LNX1: variants seen among roughly 807,000 people sequenced by gnomAD.
LNX1 encodes the protein E3 ubiquitin-protein ligase LNX.
Under a neutral mutation model 68.4 loss-of-function variants are expected in LNX1, and 54 were observed. That is an observed-to-expected ratio of 0.79 (90% confidence interval 0.63 to 0.99). The LOEUF (loss-of-function observed/expected upper bound fraction) is 0.99. LNX1 is among the 50% of genes least tolerant of loss of function. The pLI is 0.00. For synonymous variants in LNX1, 336 were observed against 350.0 expected (o/e 0.96, Z 0.45); for missense variants, 906 against 926.4 (o/e 0.98, Z 0.29).
chr4:53,629,559 A>C (rs1197577145), intron 1 of LNX1, among the ~76,000 whole-genome samples: 4 of 152,198 alleles, frequency 2.6e-5, no homozygotes, highest in Non-Finnish European at 5.9e-5. Flanking sequence ...CTGCACCACA[A>C]ACTGCAGCCC....
chr4:53,557,751 G>T, intron 2 of LNX1: 1 of 1,166,528 alleles, frequency 8.6e-7, no homozygotes, highest in Non-Finnish European at 1.2e-6. Flanking sequence ...AGGGTGCTTT[G>T]TCCAAGTGCA....
At chr4:53,619,782 T>G (rs191892327), upstream of LNX1, among the ~76,000 whole-genome samples, 7 of 152,350 alleles carry the variant, frequency 4.6e-5, no homozygotes, top group Admixed American at 4.6e-4. Context: ...TTCGATGAAC[T>G]GTCAAACTGT....
chr4:53,522,788 C>A (rs1209684296), intron 2 of LNX1, among the ~76,000 whole-genome samples: 2 of 152,060 alleles, frequency 1.3e-5, no homozygotes, highest in African/African-American at 2.4e-5. Context: ...CAGAGCAGGG[C>A]CCTGTCTCAA....
chr4:53,482,394 T>C (rs1298959923), intron 6 of LNX1, among the ~76,000 whole-genome samples: 1 of 152,210 alleles, frequency 6.6e-6, no homozygotes, highest in African/African-American at 2.4e-5. Context: ...TACATTAATA[T>C]GTACAACCTA....
chr4:53,562,008 C>G (rs1347149132), intron 2 of LNX1, among the ~76,000 whole-genome samples: 1 of 152,198 alleles, frequency 6.6e-6, no homozygotes, highest in Non-Finnish European at 1.5e-5. Flanking sequence ...TTCAACTTCT[C>G]TCTTTTACCT....
At chr4:53,608,214 TG>T (rs1248296583) in intron 2 of LNX1, among the ~76,000 whole-genome samples, 1 of 152,170 alleles carries the variant, frequency 6.6e-6, no homozygotes. Flanking sequence ...TTGTAAACTG[TG>T]CATCCTACAA....
intron 1 of LNX1, among the ~76,000 whole-genome samples, chr4:53,586,335 G>C (rs1335652577): frequency 6.6e-6 from 1 of 152,204 alleles, no homozygotes; most frequent in East Asian, 1.9e-4. Context: ...TCATAAGCAA[G>C]TTATGCAAAT....
intron 1 of LNX1, among the ~76,000 whole-genome samples, chr4:53,574,354 AT>A (rs1489495697): frequency 1.3e-5 from 2 of 152,224 alleles, no homozygotes; most frequent in Non-Finnish European, 2.9e-5. Flanking sequence ...TTTGGGTAAT[AT>A]CTGGGAAATG....
At chr4:53,533,930 A>C (rs578003263) in intron 2 of LNX1, among the ~76,000 whole-genome samples, 1 of 152,344 alleles carries the variant, frequency 6.6e-6, no homozygotes, top group East Asian at 1.9e-4. Context: ...CTAAGGTTTG[A>C]GAACTTCTGC....
At position 53,624,880 on chromosome 4, in the gene LNX1, A is replaced by AT. The variant is rs773397722; in HGVS notation, c.-215+27287dup. ...GAATGTATTTATTTAAGATTCCAGA[A>AT]TTTTTTTACATGTAAGCATCCTCAT... On this transcript the variant is annotated intron_variant, in intron 1 of 2. Coordinates refer to the LNX1 transcript ENST00000507168. Among the ~76,000 whole-genome samples the AT allele has an allele frequency of 5.9e-5, 9 of 152,316 alleles. No individual in the cohort carries two copies. The East Asian group carries it at 7.7e-4, about 13-fold the overall frequency.
At chr4:53,481,494 G>A (rs997332418) in intron 7 of LNX1, among the ~76,000 whole-genome samples, 1 of 152,198 alleles carries the variant, frequency 6.6e-6, no homozygotes, top group Non-Finnish European at 1.5e-5. Flanking sequence ...AGGTCTGCAT[G>A]ATCAGGTTTC....
At chr4:53,532,860 C>A (rs1388429058) in intron 2 of LNX1, among the ~76,000 whole-genome samples, 1 of 152,154 alleles carries the variant, frequency 6.6e-6, no homozygotes, top group Non-Finnish European at 1.5e-5. Context: ...AGGAACACTG[C>A]AGGCTGCCCA....
intron 2 of LNX1, among the ~76,000 whole-genome samples, chr4:53,520,096 C>G (rs894059124): frequency 5.9e-5 from 9 of 152,166 alleles, no homozygotes; most frequent in African/African-American, 1.9e-4. Context: ...TTTGGAGGAG[C>G]TTTGTGGTTT....
chr4:53,495,367 A>C (rs1244053565), intron 6 of LNX1, among the ~76,000 whole-genome samples: 1 of 152,202 alleles, frequency 6.6e-6, no homozygotes, highest in Non-Finnish European at 1.5e-5. Context: ...AAAGTGGATT[A>C]GTTTGAACAG....
rs112154837 is a variant in LNX1 at position 53,464,325 on chromosome 4, C to G, written c.1893-2732G>C. Among the ~76,000 whole-genome samples the G allele has an allele frequency of 6.6e-3, 1,011 of 152,162 alleles. 12 individuals are homozygous for G. The highest frequency in any genetic ancestry group is 0.023 in the African/African-American group (974 of 41,544). The stretch of plus-strand genomic sequence containing the variant: ...TCCCTCTTCTGGATCAGGTACCTCT[C>G]AGTCTGTGGTGAAGGGACCACCTTT... On this transcript the variant is annotated intron_variant, in intron 9 of 10. Coordinates refer to ENST00000263925, the MANE Select transcript of LNX1 (RefSeq NM_001126328.3).
At chr4:53,534,954 T>C (rs182009279) in intron 2 of LNX1, among the ~76,000 whole-genome samples, 77 of 152,322 alleles carry the variant, frequency 5.1e-4, no homozygotes, top group African/African-American at 1.8e-3. Flanking sequence ...AAAGAAATGA[T>C]TGCTCATGGG....
At chr4:53,513,972 C>T (rs368578125) in intron 2 of LNX1, among the ~76,000 whole-genome samples, 2 of 152,214 alleles carry the variant, frequency 1.3e-5, no homozygotes, top group African/African-American at 4.8e-5. Flanking sequence ...CAAACTTGCC[C>T]ACCATGTTCC....
At chr4:53,461,851 G>A (rs1722151622) in intron 9 of LNX1, among the ~76,000 whole-genome samples, 1 of 151,952 alleles carries the variant, frequency 6.6e-6, no homozygotes, top group African/African-American at 2.4e-5. Context: ...ACATCTACTG[G>A]GAATGATAAT....
intron 4 of LNX1, among the ~76,000 whole-genome samples, chr4:53,501,299 T>TTTTTGGGGGG (rs56165716): frequency 2.6e-5 from 1 of 38,790 alleles, no homozygotes; most frequent in Non-Finnish European, 7.0e-5. Context: ...TTTTTTTTTT[T>TTTTTGGGGGG]GGGGGTGGGG....
Sources: gnomAD v4.1 joint callset for allele counts (sites outside exome capture counted in the v4.1 genomes callset) on GRCh38, gnomAD v4.1.1 for gene constraint, MANE v1.5 for transcripts, NCBI Gene and HGNC (gene_info 2026-07-23, HGNC 2026-07-21) for gene names.